Variants in UBE2V1 observed in about 807,000 individuals in gnomAD.
UBE2V1 encodes the protein ubiquitin-conjugating enzyme E2 variant 1.
A neutral mutation model predicts 19.6 loss-of-function variants in UBE2V1; 15 were observed. The ratio of observed to expected loss-of-function variants is 0.77; its 90% CI spans 0.51 to 1.18. The LOEUF is 1.18. UBE2V1 is among the 50% of genes most tolerant of loss of function. The pLI is 0.00. For missense variants in UBE2V1, 125 were observed against 184.8 expected, an observed-to-expected ratio of 0.68 and a Z score of 1.88; for synonymous variants, 60 against 60.7, an observed-to-expected ratio of 0.99 and a Z score of 0.05.
At chr20:50,101,965 A>G (rs947545563) in intron 1 of UBE2V1, among the ~76,000 whole-genome samples, 1 of 152,244 alleles carries the variant, frequency 6.6e-6, no homozygotes, top group Non-Finnish European at 1.5e-5. Context: ...GAGCCATGTT[A>G]CTACTGGACT....
chr20:50,087,202 T>C (rs1248799425), intron 2 of UBE2V1, among the ~76,000 whole-genome samples: 1 of 151,722 alleles, frequency 6.6e-6, no homozygotes, highest in Non-Finnish European at 1.5e-5. Flanking sequence ...TCGAGACCCA[T>C]CTGGCCAACA....
upstream of UBE2V1, chr20:50,113,313 G>C (rs992297988): frequency 4.4e-4 from 187 of 426,768 alleles, 1 homozygote; most frequent in Non-Finnish European, 6.5e-4. Context: ...ATATCTGCGT[G>C]CTCGAGGGCC....
At chr20:50,098,847 T>C (rs1179018650) in intron 1 of UBE2V1, 1 of 813,500 alleles carries the variant, frequency 1.2e-6, no homozygotes, top group Non-Finnish European at 1.5e-6. Context: ...CTACATATGG[T>C]ATTTGAAAGG....
intron 2 of UBE2V1, chr20:50,095,201 T>A (rs555904100): frequency 6.6e-6 from 1 of 152,256 alleles, no homozygotes; most frequent in South Asian, 2.1e-4. Flanking sequence ...TTCTGGGAAG[T>A]AAGGAGGGAA....
rs11302479 is a variant in UBE2V1, at chr20:50,088,100, T to TA, written c.172-3847dup. ...TATGAGATAACCCCAGTCTAATCAT[T>TA]AAAAAAAAAAAAAAAAAAAGACAAA... On this transcript the variant is annotated intron_variant, in intron 2 of 3. Coordinates refer to ENST00000371674, the MANE Select transcript of UBE2V1 (RefSeq NM_001032288.3). 4.9e-3 allele frequency among the ~76,000 whole-genome samples: 538 copies of TA among 109,130 alleles called. 5 individuals carry two copies. The highest frequency in any genetic ancestry group is 0.041 in the South Asian group (135 of 3,306). 71.6% of individuals were successfully genotyped at this position (109,130 alleles called of 152,430 possible).
At chr20:50,087,665 G>A (rs1227086398) in intron 2 of UBE2V1, among the ~76,000 whole-genome samples, 1 of 152,154 alleles carries the variant, frequency 6.6e-6, no homozygotes, top group African/African-American at 2.4e-5. Flanking sequence ...ATCAACATGT[G>A]AAATGGGCAT....
In UBE2V1 at chr20:50,113,119, T is replaced by A; in HGVS notation, c.10A>T (p.Thr4Ser). The A allele has an allele frequency of 7.3e-7, 1 of 1,360,578 alleles. No individual in the cohort carries two copies. 84.3% of individuals were successfully genotyped at this position (1,360,578 alleles called of 1,614,324 possible). Residue 4 changes from threonine to serine, a missense_variant, in exon 1 of 4, where the codon ACC becomes TCC. Thr to Ser is a moderately conservative substitution (Grantham distance 58, BLOSUM62 1). Transcript: ENST00000371674. MAA[T>S]TGSGVKVPRN... ...CGCCCCCGCTCACCCGAGCCCGTGG[T>A]GGCTGCCATCTTGCGTCGCTCTTGC...
chr20:50,084,867 T>C, intron 2 of UBE2V1: 1 of 179,338 alleles, frequency 5.6e-6, no homozygotes, highest in Non-Finnish European at 1.2e-5. Context: ...ATTCAATGGG[T>C]GAGGCAGCAC....
At chr20:50,109,079 G>C in intron 1 of UBE2V1, 1 of 985,428 alleles carries the variant, frequency 1.0e-6, no homozygotes, top group South Asian at 4.7e-5. Context: ...CCTCAGTAAT[G>C]TGGGTGGATA....
At chr20:50,106,629 G>A (rs1166825402) in intron 1 of UBE2V1, among the ~76,000 whole-genome samples, 5 of 152,058 alleles carry the variant, frequency 3.3e-5, no homozygotes, top group South Asian at 2.1e-4. Flanking sequence ...TCGGGAGTTC[G>A]AGAACAGCCT....
At chr20:50,108,839 GACAA>G in intron 1 of UBE2V1, 1 of 720,444 alleles carries the variant, frequency 1.4e-6, no homozygotes, top group Middle Eastern at 7.1e-4. Context: ...CCCAGAAGAG[GACAA>G]ACAGTGGCCA....
rs1279013836 is a variant in UBE2V1 at position 50,110,038 on chromosome 20, TAA to T, written c.22+3067_22+3068del. On this transcript the variant is annotated intron_variant, in intron 1 of 3. Coordinates refer to ENST00000371674, the MANE Select transcript of UBE2V1 (RefSeq NM_001032288.3). The stretch of plus-strand genomic sequence containing the variant: ...GACTAATCTCTGCTGCCCACATGGT[TAA>T]GTTTTTATAAGCTGAATGTGCATAT... 5.9e-5 allele frequency among the ~76,000 whole-genome samples: 9 copies of T among 152,240 alleles called. No individual in the cohort carries two copies. The East Asian group carries it at 1.5e-3, about 26-fold the overall frequency.
At chr20:50,113,779 ATTCATTCATTCATTCG>A (rs2080920523), upstream of UBE2V1, among the ~76,000 whole-genome samples, 10 of 113,656 alleles carry the variant, frequency 8.8e-5, no homozygotes, top group Middle Eastern at 4.2e-3. Context: ...TCATTCATTC[ATTCATTCATTCATTCG>A]TTCATTCATT....
At chr20:50,086,720 TG>T (rs1395822409) in intron 2 of UBE2V1, among the ~76,000 whole-genome samples, 8 of 151,870 alleles carry the variant, frequency 5.3e-5, no homozygotes, top group African/African-American at 1.5e-4. Context: ...GTAATTTCAC[TG>T]GAAGACAGTA....
upstream of UBE2V1, among the ~76,000 whole-genome samples, chr20:50,113,943 A>G (rs564732062): frequency 6.6e-6 from 1 of 152,326 alleles, no homozygotes; most frequent in African/African-American, 2.4e-5. Flanking sequence ...CAGCAAGTAA[A>G]TAAACAGGAA....
chr20:50,106,766 C>G (rs1323275455), intron 1 of UBE2V1, among the ~76,000 whole-genome samples: 1 of 151,394 alleles, frequency 6.6e-6, no homozygotes, highest in Non-Finnish European at 1.5e-5. Flanking sequence ...ACCTGGGAGG[C>G]AGAGGTTGCG....
chr20:50,096,828 A>C lies in UBE2V1; in HGVS notation c.23-8T>G. The C allele has an allele frequency of 6.2e-7, 1 of 1,613,638 alleles. No individual in the cohort carries two copies. The highest frequency in any genetic ancestry group is 8.5e-7 in the Non-Finnish European group (1 of 1,179,752). ...TGCGAGGGACTTTTACTCCTAAAAT[A>C]AATGGAAAGAAATTCAAGATACCAG... On this transcript the variant is annotated splice_region_variant and splice_polypyrimidine_tract_variant and intron_variant, in intron 1 of 3. Transcript: ENST00000371674.
chr20:50,101,127 G>C (rs2079958930), intron 1 of UBE2V1, among the ~76,000 whole-genome samples: 1 of 152,186 alleles, frequency 6.6e-6, no homozygotes, highest in African/African-American at 2.4e-5. Flanking sequence ...CAGGAATTGA[G>C]ACCCACAGAG....
upstream of UBE2V1, chr20:50,113,178 C>T: frequency 8.2e-7 from 1 of 1,223,886 alleles, no homozygotes; most frequent in Non-Finnish European, 1.0e-6. Flanking sequence ...CCCCCCCTTA[C>T]CCGTCCCCCG....
Sources: allele counts gnomAD v4.1 joint callset (sites outside exome capture counted in the v4.1 genomes callset), GRCh38; gene constraint gnomAD v4.1.1; transcripts MANE v1.5; gene names NCBI Gene and HGNC (gene_info 2026-07-23, HGNC 2026-07-21).